The following NHSL3 variants were observed in gnomAD, a reference collection of about 807,000 sequenced individuals.
The protein encoded by NHSL3 is NHS-like protein 3.
the NHSL3 span, chr1:32,770,543 C>T: frequency 1.5e-5 from 23 of 1,529,684 alleles, no homozygotes; most frequent in Non-Finnish European, 1.7e-5. This position sits in a 1 kb window ranked among gnomAD's most constrained non-coding sequence, Gnocchi z 8.3. Flanking sequence ...GTACCCCCTC[C>T]CCAGGGAGGC....
the NHSL3 span, chr1:32,753,995 C>A: frequency 2.4e-6 from 1 of 409,706 alleles, no homozygotes; most frequent in Non-Finnish European, 4.4e-6. Flanking sequence ...CGGTGCCCGC[C>A]CGCGAGTCTC....
At chr1:32,756,905 G>T in the NHSL3 span, among the ~76,000 whole-genome samples, 1 of 151,690 alleles carries the variant, frequency 6.6e-6, no homozygotes, top group Admixed American at 6.6e-5. Context: ...GGAGGTGGAG[G>T]TTGCAGCGAG....
At chr1:32,747,993 C>T in the NHSL3 span, among the ~76,000 whole-genome samples, 1 of 152,208 alleles carries the variant, frequency 6.6e-6, no homozygotes, top group South Asian at 2.1e-4. Flanking sequence ...TCTGTAATCC[C>T]AGGCTACTCG....
At chr1:32,750,538 G>A in the NHSL3 span, among the ~76,000 whole-genome samples, 6 of 152,004 alleles carry the variant, frequency 3.9e-5, no homozygotes, top group African/African-American at 4.8e-5. Context: ...ACAGAGTTTC[G>A]CTCTTGTTTC....
the NHSL3 span, among the ~76,000 whole-genome samples, chr1:32,745,010 C>T: frequency 3.3e-5 from 5 of 151,638 alleles, no homozygotes; most frequent in Admixed American, 6.6e-5. Flanking sequence ...CCTGTAGTCC[C>T]AGCTACCCGG....
At chr1:32,771,884 C>T in the NHSL3 span, 1 of 1,591,388 alleles carries the variant, frequency 6.3e-7, no homozygotes, top group South Asian at 1.1e-5. Flanking sequence ...CCCACCCCAG[C>T]ACTGGGGCCA....
chr1:32,754,772 T>G, the NHSL3 span, among the ~76,000 whole-genome samples: 1 of 152,010 alleles, frequency 6.6e-6, no homozygotes, highest in African/African-American at 2.4e-5. Flanking sequence ...TGAAAGTTTG[T>G]AGGAGGGAGG....
chr1:32,761,339 G>C, the NHSL3 span, among the ~76,000 whole-genome samples: 1 of 152,144 alleles, frequency 6.6e-6, no homozygotes, highest in Non-Finnish European at 1.5e-5. Flanking sequence ...GAGAGGCTGC[G>C]AGCTCTGACT....
the NHSL3 span, chr1:32,771,118 G>A: frequency 6.2e-7 from 1 of 1,613,334 alleles, no homozygotes; most frequent in Non-Finnish European, 8.5e-7. Context: ...AGACCGCTCT[G>A]GGCCACAGAT....
the NHSL3 span, chr1:32,754,198 G>A: frequency 2.8e-6 from 2 of 709,254 alleles, no homozygotes; most frequent in African/African-American, 1.8e-5. Flanking sequence ...CCGGGGTGGG[G>A]GCGGGGCAGG....
the NHSL3 span, chr1:32,773,528 C>T: frequency 1.3e-5 from 2 of 154,040 alleles, no homozygotes; most frequent in Admixed American, 6.4e-5. Context: ...ACAAAAGGTG[C>T]AGAGGGGATT....
At chr1:32,758,406 C>T in the NHSL3 span, among the ~76,000 whole-genome samples, 1 of 152,094 alleles carries the variant, frequency 6.6e-6, no homozygotes, top group Non-Finnish European at 1.5e-5. Flanking sequence ...TTTCATCCTT[C>T]CCCCTGCCTG....
At chr1:32,745,229 C>T in the NHSL3 span, among the ~76,000 whole-genome samples, 11 of 151,656 alleles carry the variant, frequency 7.3e-5, no homozygotes, top group South Asian at 2.1e-4. Flanking sequence ...TGAGCTCTAA[C>T]GACCCAGTCT....
the NHSL3 span, among the ~76,000 whole-genome samples, chr1:32,757,307 G>T: frequency 2.6e-5 from 4 of 152,118 alleles, no homozygotes; most frequent in Non-Finnish European, 5.9e-5. Flanking sequence ...CTACAAAAGT[G>T]GGGTGTTAGG....
chr1:32,742,330 G>A, the NHSL3 span: 1 of 817,322 alleles, frequency 1.2e-6, no homozygotes, highest in Non-Finnish European at 1.6e-6. Context: ...GGCCAGGGCT[G>A]AGTCCGAACA....
At chr1:32,765,564 G>A in the NHSL3 span, 1 of 1,426,946 alleles carries the variant, frequency 7.0e-7, no homozygotes, top group Non-Finnish European at 9.3e-7. Flanking sequence ...AAGGGGTGGG[G>A]TCGGCAGATG....
the NHSL3 span, chr1:32,771,212 G>A: frequency 6.2e-7 from 1 of 1,610,816 alleles, no homozygotes; most frequent in South Asian, 1.1e-5. Context: ...TCCAAGCCCA[G>A]GAGCCCTAAC....
chr1:32,741,946 C>CT, the NHSL3 span: 1 of 911,724 alleles, frequency 1.1e-6, no homozygotes, highest in Non-Finnish European at 1.3e-6. The surrounding 1 kb of genome is among the most constrained non-coding windows in gnomAD (Gnocchi z 4.3). Flanking sequence ...CGCTCCGCCC[C>CT]CGCCTGCCAT....
chr1:32,765,676 C>T, the NHSL3 span: 2 of 1,537,582 alleles, frequency 1.3e-6, no homozygotes, highest in African/African-American at 2.7e-5. Context: ...GGGCTCGCAT[C>T]CCCATAGTGC....
Sources: allele counts gnomAD v4.1 joint callset (sites outside exome capture counted in the v4.1 genomes callset), GRCh38; gene constraint gnomAD v4.1.1; non-coding constraint Gnocchi (gnomAD v3.1); transcripts MANE v1.5; gene names NCBI Gene and HGNC (gene_info 2026-07-23, HGNC 2026-07-21).